STAT4: variants seen among roughly 807,000 people sequenced by gnomAD.
The protein encoded by STAT4 is signal transducer and activator of transcription 4.
STAT4 carries 42 observed loss-of-function variants against 110.5 expected under a neutral mutation model. That is an observed-to-expected ratio of 0.38 (90% CI 0.30 to 0.49). The LOEUF (loss-of-function observed/expected upper bound fraction) is 0.49. Among genes scored for constraint, STAT4 ranks in the 20% least tolerant of loss-of-function variants. The pLI, the probability that STAT4 is intolerant of heterozygous loss-of-function variation, is 0.95. For missense variants in STAT4, 632 were observed against 887.9 expected (o/e 0.71, Z 3.66); for synonymous variants, 284 against 302.2 (o/e 0.94, Z 0.63).
In STAT4 at chr2:191,035,011, G is replaced by T. The variant is rs1025188485; in HGVS notation, c.1571-414C>A. On this transcript the variant is annotated intron_variant, in intron 17 of 23. Coordinates refer to ENST00000392320, the MANE Select transcript of STAT4 (RefSeq NM_003151.4). This position sits in a 1 kb window ranked among gnomAD's most constrained non-coding sequence, Gnocchi z 4.7. ...AATGAACATTATAAAACAAATTTGT[G>T]TAAGTTAGGTATAGCTAGATTACCA... Among the ~76,000 whole-genome samples the T allele has an allele frequency of 6.6e-6, 1 of 152,202 alleles. No homozygotes were observed. The highest frequency in any genetic ancestry group is 1.5e-5 in the Non-Finnish European group (1 of 68,034).
chr2:191,125,841 T>C (rs547360069), intron 3 of STAT4, among the ~76,000 whole-genome samples: 1 of 152,212 alleles, frequency 6.6e-6, no homozygotes, highest in African/African-American at 2.4e-5. Flanking sequence ...TGAGCAAATC[T>C]TTTGTCCCCA....
rs568186924 is a variant in STAT4, at chr2:191,043,614, C to G, written c.1252-2466G>C. 6.7e-6 allele frequency among the ~76,000 whole-genome samples: 1 copy of G among 150,370 alleles called. No individual in the cohort carries two copies. The highest frequency in any genetic ancestry group is 2.5e-5 in the African/African-American group (1 of 40,764). ...ATATATAGGTCAAAGATTTTTTGCA[C>G]TCATTAAAAAAAAAAGACATGTAGA... On this transcript the variant is annotated intron_variant, in intron 14 of 23. Transcript: ENST00000392320. This position sits in a 1 kb window ranked among gnomAD's most constrained non-coding sequence, Gnocchi z 4.8.
At chr2:191,151,142 C>A (rs1699582163), upstream of STAT4, 6 of 985,374 alleles carry the variant, frequency 6.1e-6, no homozygotes, top group South Asian at 2.8e-4. The surrounding 1 kb of genome is among the most constrained non-coding windows in gnomAD (Gnocchi z 4.7). Context: ...CCACTCTATT[C>A]TAGAAATGCT....
At chr2:191,136,966 T>C (rs371711463) in intron 3 of STAT4, among the ~76,000 whole-genome samples, 2 of 151,668 alleles carry the variant, frequency 1.3e-5, no homozygotes, top group African/African-American at 2.4e-5. Context: ...ATAATACCTA[T>C]AAAAAATAAA....
In STAT4 at chr2:191,039,567, C is replaced by T. The variant is rs1472022605; in HGVS notation, c.1336-270G>A. Among the ~76,000 whole-genome samples, 2 of 152,206 alleles carry T rather than the reference C, an allele frequency of 1.3e-5. No homozygotes were observed. Among genetic ancestry groups the T allele is most frequent in the Admixed American group, 6.5e-5 (1 of 15,276 alleles). On this transcript the variant is annotated intron_variant, in intron 15 of 23. Transcript: ENST00000392320. The surrounding 1 kb of genome is among the most constrained non-coding windows in gnomAD (Gnocchi z 4.7). ...AGTATCTCCCCTGACATTGCGGACA[C>T]ATTTATACTTTTTAAATGTCACCCA... is the stretch of plus-strand genomic sequence containing the variant.
At chr2:191,054,403 G>A in intron 14 of STAT4, 87 bp downstream of exon 14, 1 of 1,055,736 alleles carries the variant, frequency 9.5e-7, no homozygotes, top group Non-Finnish European at 1.4e-6. Flanking sequence ...GATTTTATAT[G>A]AAGTCAAGCA....
chr2:191,133,043 T>G (rs6434440), intron 3 of STAT4, among the ~76,000 whole-genome samples: 97,542 of 151,122 alleles, frequency 0.65, 32,191 homozygotes, highest in South Asian at 0.78. Flanking sequence ...CGTGGGCCAC[T>G]GCGCCTGGCG....
At chr2:191,103,245 G>A (rs1264616069) in intron 3 of STAT4, among the ~76,000 whole-genome samples, 1 of 152,128 alleles carries the variant, frequency 6.6e-6, no homozygotes, top group Non-Finnish European at 1.5e-5. Flanking sequence ...TCCCAGGCAT[G>A]TGTCTTTAGG....
intron 4 of STAT4, 90 bp from the exon 5 acceptor site, chr2:191,073,280 G>T: frequency 1.0e-6 from 1 of 989,630 alleles, no homozygotes; most frequent in Non-Finnish European, 1.6e-6. Flanking sequence ...CCTGAGGTCT[G>T]GATCAATGTG....
intron 6 of STAT4, among the ~76,000 whole-genome samples, chr2:191,069,383 GGTTTT>G (rs1304929172): frequency 6.6e-6 from 1 of 152,034 alleles, no homozygotes. Flanking sequence ...TATAGGAGAA[GGTTTT>G]TATTTTTTAG....
intron 3 of STAT4, among the ~76,000 whole-genome samples, chr2:191,125,096 ATAT>A (rs562616590): frequency 2.2e-3 from 334 of 152,366 alleles, no homozygotes; most frequent in Non-Finnish European, 3.9e-3. Flanking sequence ...AGCCAATGAA[ATAT>A]TAATTATTTC....
At chr2:191,038,453 T>G (rs1040671234) in intron 16 of STAT4, among the ~76,000 whole-genome samples, 1 of 152,206 alleles carries the variant, frequency 6.6e-6, no homozygotes, top group Non-Finnish European at 1.5e-5. Context: ...AATTCTTCCC[T>G]TTGGAGGGAA....
chr2:191,091,579 T>C lies in STAT4; in HGVS notation c.274-15254A>G, dbSNP rs1697797943. ...GTTTGAGGTTGAAGGAAAGAGTCAA[T>C]GAAGTGATCTTAAAGTTCATATGTG... On this transcript the variant is annotated intron_variant, in intron 3 of 23. Transcript: ENST00000392320. This position sits in a 1 kb window ranked among gnomAD's most constrained non-coding sequence, Gnocchi z 5.4. Among the ~76,000 whole-genome samples the C allele has an allele frequency of 1.3e-5, 2 of 152,160 alleles. No individual in the cohort carries two copies. Among genetic ancestry groups the C allele is most frequent in the African/African-American group, 4.8e-5 (2 of 41,436 alleles).
intron 14 of STAT4, 89 bp from the exon 15 acceptor site, chr2:191,041,237 T>C: frequency 1.9e-6 from 1 of 526,076 alleles, no homozygotes. Context: ...AATATATTTA[T>C]TAATAAATTA....
chr2:191,148,801 T>A (rs981403788), intron 1 of STAT4, among the ~76,000 whole-genome samples: 1 of 152,248 alleles, frequency 6.6e-6, no homozygotes, highest in African/African-American at 2.4e-5. Flanking sequence ...TCCAGTTTTT[T>A]AAATTAAAAA....
In STAT4 at chr2:191,133,573, T is replaced by C. The variant is rs185628931; in HGVS notation, c.273+13040A>G. 2.2e-4 allele frequency among the ~76,000 whole-genome samples: 33 copies of C among 151,886 alleles called. 1 individual carries two copies. The South Asian group carries it at 3.9e-3, about 18-fold the overall frequency. On this transcript the variant is annotated intron_variant, in intron 3 of 23. Transcript: ENST00000392320. ...ATGACACCTATCAAATATTAATATGTTTATTTCCAGGCCATAGATTTTTTA... is the reference window on the plus strand; with the variant it reads ...ATGACACCTATCAAATATTAATATGCTTATTTCCAGGCCATAGATTTTTTA...
chr2:191,145,842 G>A (rs986520573), intron 3 of STAT4, among the ~76,000 whole-genome samples: 1 of 152,128 alleles, frequency 6.6e-6, no homozygotes, highest in African/African-American at 2.4e-5. Context: ...TCCATGGTCA[G>A]GGTTTATTAC....
rs1304348157 is a variant in STAT4 at position 191,144,139 on chromosome 2, G to A, written c.273+2474C>T. Among the ~76,000 whole-genome samples the A allele has an allele frequency of 6.6e-6, 1 of 151,892 alleles. No homozygotes were observed. The highest frequency in any genetic ancestry group is 6.6e-5 in the Admixed American group (1 of 15,258). On this transcript the variant is annotated intron_variant, in intron 3 of 23. Coordinates refer to ENST00000392320, the MANE Select transcript of STAT4 (RefSeq NM_003151.4). The surrounding 1 kb of genome is among the most constrained non-coding windows in gnomAD (Gnocchi z 4.7). Reference sequence around the variant, plus strand: ...ACCATATTGAGTACTGAGGGTGAGGGAGGGGGGTCAGAAAAGGAGATCAGC... The same window carrying A: ...ACCATATTGAGTACTGAGGGTGAGGAAGGGGGGTCAGAAAAGGAGATCAGC...
chr2:191,102,088 A>C (rs1357832213), intron 3 of STAT4, among the ~76,000 whole-genome samples: 1 of 150,056 alleles, frequency 6.7e-6, no homozygotes, highest in Non-Finnish European at 1.5e-5. Context: ...ATTCTGTATT[A>C]ATTTTAACCC....
Sources: gnomAD v4.1 joint callset for allele counts (sites outside exome capture counted in the v4.1 genomes callset) on GRCh38, gnomAD v4.1.1 for gene constraint, Gnocchi (gnomAD v3.1) non-coding constraint, MANE v1.5 for transcripts, NCBI Gene and HGNC (gene_info 2026-07-23, HGNC 2026-07-21) for gene names.